SORCS3: variants seen among roughly 807,000 people sequenced by gnomAD.
The protein encoded by SORCS3 is sortilin related VPS10 domain containing receptor 3, also known as VPS10 domain-containing receptor SorCS3.
SORCS3 carries 57 observed loss-of-function variants against 146.3 expected under a neutral mutation model. The observed-to-expected ratio is 0.39, with a 90% confidence interval of 0.31 to 0.49. The LOEUF (loss-of-function observed/expected upper bound fraction) is 0.49, where lower values mean the gene tolerates loss of function less well. Among genes scored for constraint, SORCS3 ranks in the 20% least tolerant of loss-of-function variants. SORCS3 has a pLI of 0.92. For synonymous variants in SORCS3, 653 were observed against 618.5 expected (o/e 1.06, Z -0.83); for missense variants, 1,341 against 1,575.5 (o/e 0.85, Z 2.52).
chr10:104,825,667 G>A (rs75395730), intron 1 of SORCS3, among the ~76,000 whole-genome samples: 5,797 of 152,244 alleles, frequency 0.038, 127 homozygotes, highest in Middle Eastern at 0.068. Flanking sequence ...GAATTAAGCC[G>A]TGGTCTGGTG....
At chr10:105,057,823 A>G (rs2055455798) in intron 5 of SORCS3, among the ~76,000 whole-genome samples, 2 of 152,194 alleles carry the variant, frequency 1.3e-5, no homozygotes, top group South Asian at 4.1e-4. Flanking sequence ...TGTATTTCTG[A>G]ACGTAGCGTA....
chr10:104,733,451 G>A (rs1056350725), intron 1 of SORCS3, among the ~76,000 whole-genome samples: 5 of 151,936 alleles, frequency 3.3e-5, no homozygotes, highest in Non-Finnish European at 7.4e-5. Context: ...CTAGGTTGAA[G>A]TGGTCTTCCT....
At chr10:104,855,307 G>A (rs2018317829) in intron 2 of SORCS3, among the ~76,000 whole-genome samples, 1 of 152,144 alleles carries the variant, frequency 6.6e-6, no homozygotes, top group African/African-American at 2.4e-5. Flanking sequence ...TAGGGCCTGT[G>A]CTTTTCTGTA....
At chr10:104,749,328 G>C (rs1233695249) in intron 1 of SORCS3, among the ~76,000 whole-genome samples, 1 of 151,718 alleles carries the variant, frequency 6.6e-6, no homozygotes, top group African/African-American at 2.4e-5. Flanking sequence ...CCCAGAACCA[G>C]ACCAAGGAAT....
intron 1 of SORCS3, among the ~76,000 whole-genome samples, chr10:104,840,098 C>G (rs1589519497): frequency 6.6e-6 from 1 of 152,098 alleles, no homozygotes; most frequent in East Asian, 1.9e-4. Flanking sequence ...GTGGGCTTGG[C>G]AAGAGGTAGC....
At chr10:105,211,373 C>A in intron 17 of SORCS3, 123 bp downstream of exon 17, 1 of 692,958 alleles carries the variant, frequency 1.4e-6, no homozygotes, top group Non-Finnish European at 2.6e-6. Flanking sequence ...TAACAAATGG[C>A]ATTTGAAGGG....
At chr10:105,132,011 A>G (rs973270853) in intron 7 of SORCS3, among the ~76,000 whole-genome samples, 1 of 152,130 alleles carries the variant, frequency 6.6e-6, no homozygotes, top group Non-Finnish European at 1.5e-5. Flanking sequence ...TTTTCTGGGA[A>G]TTGGAAATGA....
At chr10:105,212,356 G>C (rs2056639086) in intron 17 of SORCS3, among the ~76,000 whole-genome samples, 1 of 152,192 alleles carries the variant, frequency 6.6e-6, no homozygotes, top group Admixed American at 6.5e-5. Context: ...AGATCCAACA[G>C]CATGAAGTTA....
intron 1 of SORCS3, among the ~76,000 whole-genome samples, chr10:104,825,336 A>G (rs2133531979): frequency 6.6e-6 from 1 of 152,346 alleles, no homozygotes; most frequent in South Asian, 2.1e-4. Flanking sequence ...ACTGAGGCTC[A>G]ATAGGGTAAG....
At chr10:104,891,894 T>A (rs895622919) in intron 2 of SORCS3, among the ~76,000 whole-genome samples, 1 of 152,222 alleles carries the variant, frequency 6.6e-6, no homozygotes. Flanking sequence ...CCGAAGGTAA[T>A]GAATTGGCTC....
chr10:104,977,264 A>C, intron 3 of SORCS3, 71 bp from the exon 4 acceptor site: 1 of 1,286,736 alleles, frequency 7.8e-7, no homozygotes. Context: ...TGACTTATTT[A>C]TGATTAAAGT....
chr10:105,137,216 C>G (rs1387867538), intron 7 of SORCS3, among the ~76,000 whole-genome samples: 3 of 152,108 alleles, frequency 2.0e-5, no homozygotes, highest in African/African-American at 7.2e-5. Context: ...TGGGACTTGC[C>G]TTCTCGGATG....
At chr10:104,862,751 T>G (rs934804401) in intron 2 of SORCS3, among the ~76,000 whole-genome samples, 1 of 152,186 alleles carries the variant, frequency 6.6e-6, no homozygotes, top group Non-Finnish European at 1.5e-5. Flanking sequence ...CTCATTCAGT[T>G]TTTTTACCTG....
chr10:105,139,468 T>A lies in SORCS3; in HGVS notation c.1284T>A (p.Pro428=). The A allele has an allele frequency of 6.2e-7, 1 of 1,613,416 alleles. No individual in the cohort carries two copies. The highest frequency in any genetic ancestry group is 8.5e-7 in the Non-Finnish European group (1 of 1,179,486). ...RREAFAQIKL[P]KYSLPKDMHI... is the part of the protein sequence containing the mutation. ...AGGCCTTTGCTCAGATAAAGCTGCC[T>A]AAGTACTCGTTGCCAAAGGTACTGC... The change falls in exon 8 of 27, where the codon CCT becomes CCA. Residue 428 remains proline, a synonymous_variant. Transcript: ENST00000369701.
intron 4 of SORCS3, among the ~76,000 whole-genome samples, chr10:104,977,764 GCT>G (rs938214241): frequency 1.6e-5 from 2 of 123,882 alleles, no homozygotes; most frequent in Admixed American, 2.1e-4. Flanking sequence ...ACAGAGTCTC[GCT>G]CTTTCACCAG....
chr10:105,000,065 G>GAATGAATA (rs1479293328), intron 4 of SORCS3, among the ~76,000 whole-genome samples: 1 of 151,828 alleles, frequency 6.6e-6, no homozygotes, highest in Non-Finnish European at 1.5e-5. Context: ...CTGAATGAAT[G>GAATGAATA]AATGAATGAA....
chr10:105,026,268 C>T (rs1309172091), intron 4 of SORCS3, among the ~76,000 whole-genome samples: 29 of 152,188 alleles, frequency 1.9e-4, no homozygotes, highest in Admixed American at 1.9e-3. Context: ...GCCACCAGCC[C>T]TCTCCCCTGG....
chr10:104,666,122 T>C (rs1256743772), intron 1 of SORCS3: 1 of 152,242 alleles, frequency 6.6e-6, no homozygotes, highest in Non-Finnish European at 1.5e-5. Context: ...GAACTGGAAC[T>C]TTCCCTCTGG....
intron 1 of SORCS3, among the ~76,000 whole-genome samples, chr10:104,813,254 G>A (rs557475923): frequency 2.0e-5 from 3 of 152,224 alleles, no homozygotes; most frequent in South Asian, 2.1e-4. Flanking sequence ...CCCACGACCC[G>A]TTCATCATCT....
Sources: gnomAD v4.1 joint callset for allele counts (sites outside exome capture counted in the v4.1 genomes callset) on GRCh38, gnomAD v4.1.1 for gene constraint, MANE v1.5 for transcripts, NCBI Gene and HGNC (gene_info 2026-07-23, HGNC 2026-07-21) for gene names.